Variants in THSD4 observed in about 807,000 individuals in gnomAD.
THSD4 encodes the protein thrombospondin type-1 domain-containing protein 4.
In THSD4, 69 loss-of-function variants were observed where a neutral mutation model predicts 119.0. The ratio of observed to expected loss-of-function variants is 0.58; its 90% CI spans 0.48 to 0.71. The LOEUF (loss-of-function observed/expected upper bound fraction) is 0.71, where lower values mean the gene tolerates loss of function less well. Among genes scored for constraint, THSD4 ranks in the 30% least tolerant of loss-of-function variants. The pLI, the probability that THSD4 is intolerant of heterozygous loss-of-function variation, is 0.00. For synonymous variants in THSD4, 524 were observed against 540.4 expected (o/e 0.97, Z 0.42); for missense variants, 1,393 against 1,391.1 (o/e 1.00, Z -0.02).
intron 7 of THSD4, among the ~76,000 whole-genome samples, chr15:71,415,435 T>TTGGGCACATAATTTATACATG (rs1213596239): frequency 1.3e-5 from 2 of 152,242 alleles, no homozygotes; most frequent in Admixed American, 1.3e-4. Context: ...TATATATTTA[T>TTGGGCACATAATTTATACATG]AGAGTACATG....
chr15:71,389,705 C>A (rs906268741), intron 6 of THSD4, among the ~76,000 whole-genome samples: 2 of 151,530 alleles, frequency 1.3e-5, no homozygotes, highest in Admixed American at 1.3e-4. Context: ...GAGAAACTGT[C>A]ATACTGCTTT....
chr15:71,236,684 A>G (rs2044108385), intron 4 of THSD4, among the ~76,000 whole-genome samples: 1 of 152,220 alleles, frequency 6.6e-6, no homozygotes, highest in Non-Finnish European at 1.5e-5. Flanking sequence ...CTGAGCACCT[A>G]TTATGTGCTA....
At chr15:71,098,188 A>AC (rs1213832637) in intron 1 of THSD4, among the ~76,000 whole-genome samples, 13 of 113,452 alleles carry the variant, frequency 1.1e-4, no homozygotes, top group Admixed American at 1.9e-4. Context: ...AAATTCTTTC[A>AC]CTTTTTTTTT....
intron 6 of THSD4, among the ~76,000 whole-genome samples, chr15:71,350,539 G>T (rs2045730826): frequency 6.6e-6 from 1 of 151,912 alleles, no homozygotes; most frequent in Non-Finnish European, 1.5e-5. Context: ...TCCTAAAAGT[G>T]ACTATTTTTT....
At chr15:71,118,597 C>T in intron 1 of THSD4, among the ~76,000 whole-genome samples, 1 of 136,198 alleles carries the variant, frequency 7.3e-6, no homozygotes, top group Non-Finnish European at 1.7e-5. Flanking sequence ...AAGCACATGA[C>T]TATTTGCCTG....
intron 8 of THSD4, among the ~76,000 whole-genome samples, chr15:71,664,103 C>G (rs2051366279): frequency 6.6e-6 from 1 of 152,052 alleles, no homozygotes; most frequent in Admixed American, 6.6e-5. Context: ...CTGCCTCAGC[C>G]TCCCGAGTAG....
chr15:71,768,092 T>C (rs2053745593), intron 16 of THSD4, among the ~76,000 whole-genome samples: 1 of 152,208 alleles, frequency 6.6e-6, no homozygotes. Flanking sequence ...CAAGTGTTTA[T>C]GCTTTCTTTC....
intron 6 of THSD4, among the ~76,000 whole-genome samples, chr15:71,290,858 C>T (rs573051746): frequency 6.8e-6 from 1 of 146,192 alleles, no homozygotes; most frequent in East Asian, 2.0e-4. Context: ...TGTCTGGAAA[C>T]CTGGTTTCCT....
chr15:71,304,646 AGAATTCAGGTGCTGC>A (rs1200555165), intron 6 of THSD4, among the ~76,000 whole-genome samples: 2 of 152,168 alleles, frequency 1.3e-5, no homozygotes, highest in Admixed American at 1.3e-4. Flanking sequence ...TTATTTTCAG[AGAATTCAGGTGCTGC>A]TGGTTTTGAA....
At chr15:71,457,541 T>C (rs2047357879) in intron 7 of THSD4, among the ~76,000 whole-genome samples, 1 of 152,106 alleles carries the variant, frequency 6.6e-6, no homozygotes, top group Non-Finnish European at 1.5e-5. Flanking sequence ...TTCCCAGAGC[T>C]CCAGCCTCCC....
intron 7 of THSD4, among the ~76,000 whole-genome samples, chr15:71,579,904 G>T (rs574811762): frequency 3.5e-4 from 52 of 148,408 alleles, no homozygotes; most frequent in African/African-American, 1.0e-3. Flanking sequence ...AAACGGTGGG[G>T]TTTTTTTTTT....
chr15:71,764,959 A>G (rs2053689388), intron 15 of THSD4, 61 bp from the exon 16 acceptor site: 1 of 1,556,332 alleles, frequency 6.4e-7, no homozygotes, highest in African/African-American at 1.4e-5. Context: ...CCCTTGATGG[A>G]CAGTAGCTGC....
In THSD4 at chr15:71,744,621, C is replaced by G. The variant is rs879262988; in HGVS notation, c.1907-485C>G. On this transcript the variant is annotated intron_variant, in intron 11 of 17. Coordinates refer to ENST00000261862, the MANE Select transcript of THSD4 (RefSeq NM_024817.3). ...CATTCCAGTTTAATGACCTAGACAG[C>G]CTCCTCCCTCCAAAATATACATGCA... Among the ~76,000 whole-genome samples the G allele has an allele frequency of 2.8e-4, 42 of 152,182 alleles. 1 individual carries two copies. The highest frequency in any genetic ancestry group is 6.0e-4 in the Non-Finnish European group (41 of 68,036).
chr15:71,271,152 TAAAAA>T (rs3086645), intron 6 of THSD4, among the ~76,000 whole-genome samples: 1 of 151,638 alleles, frequency 6.6e-6, no homozygotes, highest in Non-Finnish European at 1.5e-5. Flanking sequence ...CGTTTTGCCA[TAAAAA>T]AAAATTTGCC....
intron 10 of THSD4, chr15:71,733,784 G>T (rs1172792500): frequency 1.3e-5 from 2 of 151,776 alleles, no homozygotes. Flanking sequence ...GCTGGATGTG[G>T]TGGCACTCAC....
At chr15:71,256,557 C>T (rs973672956) in intron 5 of THSD4, 56 bp from the exon 6 acceptor site, 1 of 1,441,534 alleles carries the variant, frequency 6.9e-7, no homozygotes, top group African/African-American at 1.4e-5. Context: ...GGAAATGTAT[C>T]CTGGAGCTAT....
intron 7 of THSD4, among the ~76,000 whole-genome samples, chr15:71,533,991 T>C (rs2048653416): frequency 6.6e-6 from 1 of 152,214 alleles, no homozygotes; most frequent in African/African-American, 2.4e-5. Flanking sequence ...ACGAAGTGAT[T>C]TGTATACACT....
intron 4 of THSD4, among the ~76,000 whole-genome samples, chr15:71,221,845 C>G (rs962887996): frequency 2.6e-5 from 4 of 152,110 alleles, no homozygotes. Flanking sequence ...TTTTCTATAG[C>G]AGCTGTACTA....
intron 7 of THSD4, among the ~76,000 whole-genome samples, chr15:71,524,645 G>A (rs565603995): frequency 7.7e-6 from 1 of 130,018 alleles, no homozygotes. Flanking sequence ...CACCCAGGCT[G>A]GAGTGCAGTG....
Sources: gnomAD v4.1 joint callset for allele counts (sites outside exome capture counted in the v4.1 genomes callset) on GRCh38, gnomAD v4.1.1 for gene constraint, MANE v1.5 for transcripts, NCBI Gene and HGNC (gene_info 2026-07-23, HGNC 2026-07-21) for gene names.